Variants in HECW1 observed in about 807,000 individuals in gnomAD.
HECW1 encodes E3 ubiquitin-protein ligase HECW1.
In HECW1, 61 loss-of-function variants were observed where a neutral mutation model predicts 182.3. The ratio of observed to expected loss-of-function variants is 0.33; its 90% CI spans 0.27 to 0.41. The LOEUF is 0.41. Among genes scored for constraint, HECW1 ranks in the 10% least tolerant of loss-of-function variants. The probability of loss-of-function intolerance (pLI) is 1.00; values close to 1 mark genes in which losing one functional copy is unlikely to be tolerated. For missense variants in HECW1, 1,739 were observed against 2,108.9 expected, an observed-to-expected ratio of 0.82 and a Z score of 3.44; for synonymous variants, 859 against 832.6, an observed-to-expected ratio of 1.03 and a Z score of -0.55.
intron 8 of HECW1, among the ~76,000 whole-genome samples, chr7:43,414,633 A>G (rs1377457027): frequency 6.6e-6 from 1 of 150,900 alleles, no homozygotes; most frequent in Non-Finnish European, 1.5e-5. Context: ...ATGTCCCATC[A>G]ATACCTAATT....
At chr7:43,274,644 G>GAA (rs1802864851) in intron 3 of HECW1, 30 of 313,440 alleles carry the variant, frequency 9.6e-5, no homozygotes, top group Non-Finnish European at 1.4e-4. Flanking sequence ...GGGGAGGGAG[G>GAA]GAGAGAGAGA....
intron 3 of HECW1, among the ~76,000 whole-genome samples, chr7:43,288,059 T>C (rs930285269): frequency 2.6e-5 from 4 of 152,220 alleles, no homozygotes; most frequent in Non-Finnish European, 5.9e-5. Flanking sequence ...CCAGCACTCA[T>C]TGTTAGATTT....
At chr7:43,273,010 C>T (rs1054610741) in intron 3 of HECW1, among the ~76,000 whole-genome samples, 1 of 152,106 alleles carries the variant, frequency 6.6e-6, no homozygotes, top group Non-Finnish European at 1.5e-5. Context: ...TGAATCATGT[C>T]CTTTGCAGCA....
At chr7:43,292,655 G>C (rs1416953656) in intron 3 of HECW1, among the ~76,000 whole-genome samples, 2 of 152,196 alleles carry the variant, frequency 1.3e-5, no homozygotes, top group African/African-American at 4.8e-5. Context: ...ACAGAGCTAG[G>C]AAGGTGACCT....
At chr7:43,453,786 CT>C (rs2077311486) in intron 12 of HECW1, among the ~76,000 whole-genome samples, 1 of 152,188 alleles carries the variant, frequency 6.6e-6, no homozygotes, top group East Asian at 1.9e-4. Flanking sequence ...CGTGAAGGTA[CT>C]GTTTTCAGGT....
At chr7:43,138,068 G>T in intron 2 of HECW1, among the ~76,000 whole-genome samples, 1 of 152,018 alleles carries the variant, frequency 6.6e-6, no homozygotes, top group Admixed American at 6.6e-5. Context: ...TTCCTCAAAA[G>T]AATGTTCAAT....
At chr7:43,376,676 C>G (rs954699965) in intron 6 of HECW1, among the ~76,000 whole-genome samples, 2 of 152,118 alleles carry the variant, frequency 1.3e-5, no homozygotes, top group African/African-American at 4.8e-5. Flanking sequence ...ATCAGCCTGG[C>G]TGACATGGTG....
chr7:43,289,141 T>C (rs535003237), intron 3 of HECW1, among the ~76,000 whole-genome samples: 11 of 149,016 alleles, frequency 7.4e-5, no homozygotes, highest in African/African-American at 2.8e-4. Context: ...TATCGATCAC[T>C]CTGTCACCAG....
chr7:43,175,026 AC>A (rs138929173), intron 2 of HECW1, among the ~76,000 whole-genome samples: 3,180 of 152,324 alleles, frequency 0.021, 105 homozygotes, highest in African/African-American at 0.073. Flanking sequence ...AGCTCGAGGT[AC>A]CTATGGGCTC....
intron 11 of HECW1, 59 bp downstream of exon 11, chr7:43,445,629 C>T: frequency 2.0e-6 from 3 of 1,466,382 alleles, no homozygotes; most frequent in Non-Finnish European, 2.7e-6. Flanking sequence ...AAAGGTGTCA[C>T]CAACAGTTTA....
chr7:43,117,970 T>C (rs530181840), intron 2 of HECW1: 16 of 152,762 alleles, frequency 1.0e-4, no homozygotes, highest in African/African-American at 3.9e-4. Flanking sequence ...GGATGTGGCA[T>C]ACAGACAGGC....
intron 2 of HECW1, among the ~76,000 whole-genome samples, chr7:43,241,920 G>C (rs888350031): frequency 1.3e-5 from 2 of 152,104 alleles, no homozygotes; most frequent in East Asian, 1.9e-4. Context: ...GGAGTGGGGG[G>C]TGTGGAGGAA....
chr7:43,337,459 C>A (rs1812443552), intron 5 of HECW1, among the ~76,000 whole-genome samples: 1 of 152,132 alleles, frequency 6.6e-6, no homozygotes, highest in Non-Finnish European at 1.5e-5. Context: ...TATTTGAGAG[C>A]CCCAAGGTGA....
At chr7:43,255,617 G>GATTTATTC (rs1800487382) in intron 3 of HECW1, among the ~76,000 whole-genome samples, 1 of 148,636 alleles carries the variant, frequency 6.7e-6, no homozygotes. Flanking sequence ...AAAAAAACAA[G>GATTTATTC]ATTTATTCAA....
chr7:43,404,139 T>C (rs1376169110), intron 7 of HECW1, among the ~76,000 whole-genome samples: 1 of 152,228 alleles, frequency 6.6e-6, no homozygotes, highest in African/African-American at 2.4e-5. Flanking sequence ...TGACTACCAG[T>C]CCAGTGCCTT....
At chr7:43,376,814 C>T (rs1049977339) in intron 6 of HECW1, among the ~76,000 whole-genome samples, 70 of 151,870 alleles carry the variant, frequency 4.6e-4, no homozygotes, top group African/African-American at 1.6e-3. Flanking sequence ...TGCAGTGAGC[C>T]GAGATCGTGC....
chr7:43,342,840 AC>A (rs1171007914), intron 5 of HECW1, among the ~76,000 whole-genome samples: 5 of 149,586 alleles, frequency 3.3e-5, no homozygotes, highest in African/African-American at 1.2e-4. Context: ...CCTGGCTAAC[AC>A]AGGGAAACCC....
chr7:43,435,163 A>G (rs2076672228), intron 8 of HECW1, among the ~76,000 whole-genome samples: 1 of 150,938 alleles, frequency 6.6e-6, no homozygotes, highest in African/African-American at 2.4e-5. Flanking sequence ...ATAAATTATT[A>G]TAATTTAGAA....
chr7:43,315,914 T>C (rs1353795587), intron 4 of HECW1, among the ~76,000 whole-genome samples: 3 of 152,192 alleles, frequency 2.0e-5, no homozygotes, highest in South Asian at 2.1e-4. Context: ...CCATATCTTT[T>C]TTCTGATGGG....
Sources: allele counts gnomAD v4.1 joint callset (sites outside exome capture counted in the v4.1 genomes callset), GRCh38; gene constraint gnomAD v4.1.1; transcripts MANE v1.5; gene names NCBI Gene and HGNC (gene_info 2026-07-23, HGNC 2026-07-21).